Variants in PDE7B observed in about 807,000 individuals in gnomAD.
PDE7B encodes the protein phosphodiesterase 7B, also known as 3',5'-cyclic-AMP phosphodiesterase 7B.
A neutral mutation model predicts 56.2 loss-of-function variants in PDE7B; 29 were observed. That is an observed-to-expected ratio of 0.52 (90% CI 0.38 to 0.70). PDE7B has a LOEUF of 0.70. Ranked by LOEUF, PDE7B falls within the 30% of genes least tolerant of loss-of-function variation. The pLI, the probability that PDE7B is intolerant of heterozygous loss-of-function variation, is 0.00. For synonymous variants in PDE7B, 197 were observed against 196.9 expected (o/e 1.00, Z 0.00); for missense variants, 490 against 565.0 (o/e 0.87, Z 1.35).
At chr6:136,086,007 G>A (rs1777286552) in intron 2 of PDE7B, among the ~76,000 whole-genome samples, 1 of 152,030 alleles carries the variant, frequency 6.6e-6, no homozygotes, top group African/African-American at 2.4e-5. Flanking sequence ...TTGCTTTATT[G>A]GCCAAGTTTT....
rs369727796 is a variant in PDE7B at position 136,170,879 on chromosome 6, AC to A, written c.712-2917del. ...CATTAATCCATTAATAGATTACTCC[AC>A]AATCCAATCACCTCTTAAAGGCCCC... On this transcript the variant is annotated intron_variant, in intron 8 of 12. Coordinates refer to ENST00000308191, the MANE Select transcript of PDE7B (RefSeq NM_018945.4). Among the ~76,000 whole-genome samples the A allele has an allele frequency of 1.8e-3, 270 of 152,284 alleles. 4 individuals carry two copies. The highest frequency in any genetic ancestry group is 6.1e-3 in the African/African-American group (254 of 41,574).
chr6:136,026,366 C>T (rs899338289), intron 2 of PDE7B, among the ~76,000 whole-genome samples: 2 of 152,124 alleles, frequency 1.3e-5, no homozygotes, highest in Non-Finnish European at 2.9e-5. Context: ...CTAAAATCCA[C>T]CCTGCTGGTC....
chr6:136,130,689 ATCT>A (rs1186832271), intron 3 of PDE7B, among the ~76,000 whole-genome samples: 4 of 152,118 alleles, frequency 2.6e-5, no homozygotes, highest in Non-Finnish European at 5.9e-5. Flanking sequence ...ACTCACTTAA[ATCT>A]TCTTGTATGA....
chr6:135,888,633 G>T (rs2128189795), intron 1 of PDE7B, among the ~76,000 whole-genome samples: 1 of 151,382 alleles, frequency 6.6e-6, no homozygotes, highest in African/African-American at 2.4e-5. Flanking sequence ...TCGACAGTAG[G>T]TGTACTAGTT....
chr6:135,906,823 T>TTTG (rs1554265682), intron 1 of PDE7B, among the ~76,000 whole-genome samples: 3 of 146,442 alleles, frequency 2.0e-5, no homozygotes, highest in East Asian at 2.0e-4. Context: ...TTTTTTTTTT[T>TTTG]TTTTTTTTTT....
At chr6:136,139,157 C>T (rs576477690) in intron 3 of PDE7B, among the ~76,000 whole-genome samples, 5 of 152,096 alleles carry the variant, frequency 3.3e-5, no homozygotes, top group Non-Finnish European at 7.4e-5. Flanking sequence ...GTGTGATGTT[C>T]GCCCTCCTGT....
intron 3 of PDE7B, among the ~76,000 whole-genome samples, chr6:136,132,644 C>G (rs941701989): frequency 7.2e-5 from 11 of 152,166 alleles, no homozygotes; most frequent in Admixed American, 4.6e-4. Flanking sequence ...ATCACCCCAG[C>G]TGCAAACCCT....
At chr6:135,928,483 T>TTATATATATATTTATTTATATATA (rs1187835633) in intron 1 of PDE7B, among the ~76,000 whole-genome samples, 1 of 96,866 alleles carries the variant, frequency 1.0e-5, no homozygotes, top group Non-Finnish European at 2.1e-5. Flanking sequence ...ATATATATAT[T>TTATATATATATTTATTTATATATA]TATTTATATA....
intron 3 of PDE7B, among the ~76,000 whole-genome samples, chr6:136,136,197 AATT>A (rs1456761882): frequency 1.3e-5 from 2 of 152,108 alleles, no homozygotes; most frequent in East Asian, 3.9e-4. Flanking sequence ...CTGTCAAACT[AATT>A]AACAGTTTCT....
intron 2 of PDE7B, among the ~76,000 whole-genome samples, chr6:135,979,436 A>C (rs1158633822): frequency 6.6e-6 from 1 of 151,622 alleles, no homozygotes; most frequent in East Asian, 1.9e-4. Context: ...TGATTGGAAT[A>C]GTTTCAGAAG....
chr6:135,936,815 ACT>A (rs760264056), intron 1 of PDE7B, among the ~76,000 whole-genome samples: 1 of 151,876 alleles, frequency 6.6e-6, no homozygotes, highest in African/African-American at 2.4e-5. Flanking sequence ...CTCAACGCTC[ACT>A]CTCTGCATGA....
At chr6:135,868,444 T>C (rs533483797) in intron 1 of PDE7B, among the ~76,000 whole-genome samples, 23 of 152,316 alleles carry the variant, frequency 1.5e-4, no homozygotes, top group Non-Finnish European at 2.6e-4. Flanking sequence ...TTTTTTTTTT[T>C]TGAGACGGAG....
intron 12 of PDE7B, 65 bp from the exon 13 acceptor site, chr6:136,191,549 T>C: frequency 7.4e-7 from 1 of 1,353,526 alleles, no homozygotes; most frequent in South Asian, 1.2e-5. Context: ...CCAGTCATGC[T>C]CGGGAGGGAG....
At chr6:136,072,026 A>G (rs573252348) in intron 2 of PDE7B, among the ~76,000 whole-genome samples, 2 of 152,332 alleles carry the variant, frequency 1.3e-5, no homozygotes, top group South Asian at 4.1e-4. Context: ...CTTAAAAGGT[A>G]CACAGCACAA....
At position 135,994,240 on chromosome 6, in the gene PDE7B, T is replaced by G. The variant is rs187536523; in HGVS notation, c.82+46716T>G. On this transcript the variant is annotated intron_variant, in intron 2 of 12. Transcript: ENST00000308191. ...TACCACTGAGATTGTGTCTTGTGAATTCCATTGAGGAAACACTTCAGAATA... is the reference window on the plus strand; with the variant it reads ...TACCACTGAGATTGTGTCTTGTGAAGTCCATTGAGGAAACACTTCAGAATA... Among the ~76,000 whole-genome samples the G allele has an allele frequency of 2.8e-4, 43 of 151,870 alleles. No individual in the cohort carries two copies. The East Asian group carries it at 6.8e-3, about 24-fold the overall frequency.
chr6:136,078,322 T>C (rs1034948436), intron 2 of PDE7B, among the ~76,000 whole-genome samples: 2 of 152,156 alleles, frequency 1.3e-5, no homozygotes, highest in Admixed American at 6.5e-5. Flanking sequence ...TGGAGTGACT[T>C]TCCAACATTT....
At chr6:136,046,659 T>G (rs1216436841) in intron 2 of PDE7B, among the ~76,000 whole-genome samples, 1 of 152,164 alleles carries the variant, frequency 6.6e-6, no homozygotes, top group Non-Finnish European at 1.5e-5. Flanking sequence ...GGAGTAGACT[T>G]TGCAACTGTC....
chr6:135,929,237 T>C (rs532525174), intron 1 of PDE7B, among the ~76,000 whole-genome samples: 1 of 152,212 alleles, frequency 6.6e-6, no homozygotes, highest in Non-Finnish European at 1.5e-5. Context: ...TTTCAGAGTC[T>C]TGTTACATCA....
intron 2 of PDE7B, among the ~76,000 whole-genome samples, chr6:136,008,658 T>C (rs1005638744): frequency 6.6e-6 from 1 of 152,280 alleles, no homozygotes; most frequent in Non-Finnish European, 1.5e-5. Context: ...GTTCACGTCC[T>C]TCGCCCACTT....
Sources: gnomAD v4.1 joint callset for allele counts (sites outside exome capture counted in the v4.1 genomes callset) on GRCh38, gnomAD v4.1.1 for gene constraint, MANE v1.5 for transcripts, NCBI Gene and HGNC (gene_info 2026-07-23, HGNC 2026-07-21) for gene names.